The following ANKRD29 variants were observed in gnomAD, a reference collection of about 807,000 sequenced individuals.
The protein encoded by ANKRD29 is ankyrin repeat domain-containing protein 29.
ANKRD29 carries 32 observed loss-of-function variants against 38.0 expected under a neutral mutation model. The observed-to-expected ratio is 0.84, with a 90% CI of 0.64 to 1.13. The LOEUF is 1.13. ANKRD29 is among the 50% of genes most tolerant of loss of function. The pLI, the probability that ANKRD29 is intolerant of heterozygous loss-of-function variation, is 0.00. For missense variants in ANKRD29, 357 were observed against 377.9 expected (o/e 0.94, Z 0.46); for synonymous variants, 135 against 152.4 (o/e 0.89, Z 0.84).
chr18:23,612,284 T>C, intron 8 of ANKRD29, 94 bp from the exon 9 acceptor site: 1 of 1,116,408 alleles, frequency 9.0e-7, no homozygotes, highest in Admixed American at 2.1e-5. Context: ...GATAAGACTG[T>C]AACCTCATAC....
At chr18:23,628,585 C>T (rs1374937426) in intron 6 of ANKRD29, among the ~76,000 whole-genome samples, 1 of 152,076 alleles carries the variant, frequency 6.6e-6, no homozygotes, top group Non-Finnish European at 1.5e-5. Flanking sequence ...CTTGTAACCC[C>T]AGCACTTTGG....
At chr18:23,610,879 C>T (rs1054976321) in intron 9 of ANKRD29, among the ~76,000 whole-genome samples, 1 of 151,826 alleles carries the variant, frequency 6.6e-6, no homozygotes, top group Non-Finnish European at 1.5e-5. Flanking sequence ...CAGGCTTCGC[C>T]ATGTTGCCCA....
At chr18:23,644,038 A>G (rs2060109541) in intron 3 of ANKRD29, among the ~76,000 whole-genome samples, 1 of 152,240 alleles carries the variant, frequency 6.6e-6, no homozygotes, top group South Asian at 2.1e-4. Flanking sequence ...GACTGCCAGG[A>G]ACTTACATAG....
intron 3 of ANKRD29, among the ~76,000 whole-genome samples, chr18:23,639,726 G>C (rs2060049045): frequency 6.6e-6 from 1 of 152,062 alleles, no homozygotes; most frequent in South Asian, 2.1e-4. Context: ...AGTAGAAACA[G>C]GGTTTCACTA....
At chr18:23,646,123 C>A in intron 3 of ANKRD29, 66 bp downstream of exon 3, 1 of 1,433,718 alleles carries the variant, frequency 7.0e-7, no homozygotes, top group South Asian at 1.2e-5. Flanking sequence ...CATACCAGTT[C>A]ACTATCATGA....
chr18:23,634,153 T>C lies in ANKRD29; in HGVS notation c.331-4A>G. 1 of 1,613,918 alleles carries C rather than the reference T, an allele frequency of 6.2e-7. No individual in the cohort carries two copies. Among genetic ancestry groups the C allele is most frequent in the Admixed American group, 1.7e-5 (1 of 59,998 alleles). On this transcript the variant is annotated splice_region_variant and splice_polypyrimidine_tract_variant and intron_variant, in intron 4 of 9. Transcript: ENST00000592179. Reference sequence around the variant, plus strand: ...CCAACAGGGCGGTGCCCCCGTCCTATGGACATGCAAAGTATAAACACATTA... The same window carrying C: ...CCAACAGGGCGGTGCCCCCGTCCTACGGACATGCAAAGTATAAACACATTA...
intron 6 of ANKRD29, among the ~76,000 whole-genome samples, chr18:23,620,607 G>A (rs1007675694): frequency 6.6e-6 from 1 of 152,136 alleles, no homozygotes; most frequent in African/African-American, 2.4e-5. Flanking sequence ...GTGTGTTGTG[G>A]GGGAGAGGTA....
At chr18:23,638,367 G>A (rs1420423817) in intron 4 of ANKRD29, among the ~76,000 whole-genome samples, 2 of 152,038 alleles carry the variant, frequency 1.3e-5, no homozygotes, top group Admixed American at 1.3e-4. Flanking sequence ...TATGTATTAT[G>A]TATTTCAGTG....
At chr18:23,623,154 C>T (rs975503592) in intron 6 of ANKRD29, among the ~76,000 whole-genome samples, 4 of 152,122 alleles carry the variant, frequency 2.6e-5, no homozygotes, top group African/African-American at 9.7e-5. Context: ...ACAATACGCC[C>T]CTTAATTTGT....
intron 2 of ANKRD29, chr18:23,647,646 A>T (rs371184045): frequency 6.6e-6 from 1 of 151,990 alleles, no homozygotes; most frequent in East Asian, 1.9e-4. Context: ...CAGCCTCCTG[A>T]GTAGCTGGGA....
intron 8 of ANKRD29, among the ~76,000 whole-genome samples, chr18:23,613,867 G>C (rs1270380151): frequency 6.6e-6 from 1 of 151,982 alleles, no homozygotes; most frequent in East Asian, 1.9e-4. Context: ...CAAAGTGCTG[G>C]GATTACAGGC....
chr18:23,643,468 G>C (rs1321479299), intron 3 of ANKRD29, among the ~76,000 whole-genome samples: 2 of 152,158 alleles, frequency 1.3e-5, no homozygotes, highest in African/African-American at 4.8e-5. Context: ...TGTTTCTTTA[G>C]TAAGATAAAT....
At chr18:23,621,990 C>T (rs1385772691) in intron 6 of ANKRD29, among the ~76,000 whole-genome samples, 1 of 151,950 alleles carries the variant, frequency 6.6e-6, no homozygotes, top group Non-Finnish European at 1.5e-5. Context: ...AAGTCTCAAG[C>T]AGAGTGCTAA....
intron 3 of ANKRD29, among the ~76,000 whole-genome samples, chr18:23,641,704 C>T (rs1182175093): frequency 6.6e-6 from 1 of 152,248 alleles, no homozygotes; most frequent in East Asian, 1.9e-4. Flanking sequence ...AATCAGCACA[C>T]ACTCCCTCCT....
intron 5 of ANKRD29, among the ~76,000 whole-genome samples, chr18:23,630,671 A>C (rs940195993): frequency 6.6e-6 from 1 of 151,956 alleles, no homozygotes; most frequent in Non-Finnish European, 1.5e-5. Context: ...CATTTAATAT[A>C]ATTTTCCATC....
At position 23,649,463 on chromosome 18, in the gene ANKRD29, G is replaced by T. The variant is rs1404145472; in HGVS notation, c.22-270C>A. 4 of 660,936 alleles carry T rather than the reference G, an allele frequency of 6.1e-6. No individual in the cohort carries two copies. In the African/African-American group the frequency reaches 7.1e-5, roughly 12 times the overall value. 40.9% of individuals were successfully genotyped at this position (660,936 alleles called of 1,614,324 possible). Reference sequence around the variant, plus strand: ...TTCCCACTAATGTTCTCACTTTCCTGCCTCTGTTGTGTTTTTGTTCACCCA... The same window carrying T: ...TTCCCACTAATGTTCTCACTTTCCTTCCTCTGTTGTGTTTTTGTTCACCCA... On this transcript the variant is annotated intron_variant, in intron 1 of 9. Transcript: ENST00000592179.
At chr18:23,608,840 T>G (rs929689828) in intron 9 of ANKRD29, among the ~76,000 whole-genome samples, 1 of 152,156 alleles carries the variant, frequency 6.6e-6, no homozygotes, top group African/African-American at 2.4e-5. Context: ...GATTAGAAAT[T>G]ACAATTTAGG....
At chr18:23,634,540 G>A (rs1277676397) in intron 4 of ANKRD29, among the ~76,000 whole-genome samples, 5 of 151,578 alleles carry the variant, frequency 3.3e-5, no homozygotes, top group Admixed American at 6.6e-5. Context: ...TCTGCCCACC[G>A]CGACATCTCA....
At chr18:23,633,962 T>C (rs980513595) in intron 5 of ANKRD29, 89 bp downstream of exon 5, 124 of 1,323,146 alleles carry the variant, frequency 9.4e-5, no homozygotes, top group Middle Eastern at 1.8e-4. Context: ...TTAAAGTATT[T>C]TTGAAGTTGG....
Sources: allele counts gnomAD v4.1 joint callset (sites outside exome capture counted in the v4.1 genomes callset), GRCh38; gene constraint gnomAD v4.1.1; transcripts MANE v1.5; gene names NCBI Gene and HGNC (gene_info 2026-07-23, HGNC 2026-07-21).